Variants in RETREG1 observed in about 807,000 individuals in gnomAD.
The protein encoded by RETREG1 is family with sequence similarity 134 member B.
A neutral mutation model predicts 54.8 loss-of-function variants in RETREG1; 44 were observed. That is an observed-to-expected ratio of 0.80 (90% CI 0.63 to 1.03). The LOEUF is 1.03. RETREG1 is among the 50% of genes least tolerant of loss of function. RETREG1 has a pLI of 0.00. For synonymous variants in RETREG1, 217 were observed against 238.5 expected (o/e 0.91, Z 0.83); for missense variants, 554 against 605.1 (o/e 0.92, Z 0.89).
intron 3 of RETREG1, among the ~76,000 whole-genome samples, chr5:16,536,729 C>T (rs1741084711): frequency 6.6e-6 from 1 of 152,028 alleles, no homozygotes; most frequent in African/African-American, 2.4e-5. Context: ...CATTTTTTGC[C>T]AAAAGACTGA....
In RETREG1 at chr5:16,571,503, ATTT is replaced by A. The variant is rs34220516; in HGVS notation, c.427+490_427+492del. Among the ~76,000 whole-genome samples, 154 of 148,734 alleles carry A rather than the reference ATTT, an allele frequency of 1.0e-3. 2 individuals are homozygous for A. The highest frequency in any genetic ancestry group is 3.6e-3 in the African/African-American group (144 of 40,488). ...ATTACCCAAAAAGCACCTCAGGCCA[ATTT>A]TTTTTTTTTTTAAACCAAGCTCTTG... On this transcript the variant is annotated intron_variant, in intron 2 of 8. Transcript: ENST00000306320.
At chr5:16,494,860 G>A (rs535253775) in intron 3 of RETREG1, among the ~76,000 whole-genome samples, 26 of 152,204 alleles carry the variant, frequency 1.7e-4, no homozygotes, top group Non-Finnish European at 3.2e-4. Flanking sequence ...GAAGAGTTTG[G>A]AGAGCTCAAA....
rs181946980 is a variant in RETREG1, at chr5:16,530,056, C to T, written c.458+35707G>A. ...ATTTCCCCGCTCTTCACTCTTATGC[C>T]TGCTCCTCCCTTCCCAGATGCTTAT... On this transcript the variant is annotated intron_variant, in intron 3 of 8. Coordinates refer to ENST00000306320, the MANE Select transcript of RETREG1 (RefSeq NM_001034850.3). Among the ~76,000 whole-genome samples, 6 of 152,348 alleles carry T rather than the reference C, an allele frequency of 3.9e-5. No homozygotes were observed. In the East Asian group the frequency reaches 1.2e-3, roughly 29 times the overall value.
intron 3 of RETREG1, among the ~76,000 whole-genome samples, chr5:16,547,820 T>C (rs531229868): frequency 1.3e-5 from 2 of 152,334 alleles, no homozygotes; most frequent in South Asian, 2.1e-4. Context: ...AAAACTGTTC[T>C]GGTTTTGAAA....
At chr5:16,512,904 C>T (rs1740224402) in intron 3 of RETREG1, among the ~76,000 whole-genome samples, 1 of 151,954 alleles carries the variant, frequency 6.6e-6, no homozygotes, top group Non-Finnish European at 1.5e-5. Context: ...CAAAGTAGAC[C>T]TCTAGTGATT....
At chr5:16,589,840 G>A (rs1045390207) in intron 1 of RETREG1, among the ~76,000 whole-genome samples, 1 of 152,202 alleles carries the variant, frequency 6.6e-6, no homozygotes, top group African/African-American at 2.4e-5. Context: ...AGTCCACTCT[G>A]GCCCTGAAGC....
chr5:16,522,887 T>G (rs1011248865), intron 3 of RETREG1, among the ~76,000 whole-genome samples: 1 of 152,082 alleles, frequency 6.6e-6, no homozygotes, highest in East Asian at 1.9e-4. Context: ...AAGCCTGTAG[T>G]CCCAGCTATT....
At chr5:16,535,133 T>C (rs1741018276) in intron 3 of RETREG1, among the ~76,000 whole-genome samples, 1 of 152,228 alleles carries the variant, frequency 6.6e-6, no homozygotes, top group African/African-American at 2.4e-5. Flanking sequence ...AATGCTTATG[T>C]CACTTTTTTT....
At chr5:16,513,057 T>C (rs996578313) in intron 3 of RETREG1, among the ~76,000 whole-genome samples, 3 of 152,164 alleles carry the variant, frequency 2.0e-5, no homozygotes, top group South Asian at 2.1e-4. Flanking sequence ...TCTGAGTATA[T>C]TTGAGCACTT....
At chr5:16,508,908 C>A (rs890408307) in intron 3 of RETREG1, 16 of 1,238,640 alleles carry the variant, frequency 1.3e-5, no homozygotes, top group Middle Eastern at 3.3e-4. Flanking sequence ...CTGTGACAGG[C>A]GGCTGGAAGT....
intron 3 of RETREG1, among the ~76,000 whole-genome samples, chr5:16,551,986 CT>C (rs1741555782): frequency 6.6e-6 from 1 of 152,182 alleles, no homozygotes; most frequent in Non-Finnish European, 1.5e-5. Flanking sequence ...CTAAAAGAAC[CT>C]TTGTGATGAC....
chr5:16,578,298 A>G (rs1742391191), intron 1 of RETREG1, among the ~76,000 whole-genome samples: 1 of 151,874 alleles, frequency 6.6e-6, no homozygotes, highest in Non-Finnish European at 1.5e-5. Context: ...TGAAACAGTC[A>G]GACTCTCTTG....
rs1264236878 is a variant in RETREG1 at position 16,593,153 on chromosome 5, AC to A, written c.321-21052del. 6.6e-6 allele frequency among the ~76,000 whole-genome samples: 1 copy of A among 152,216 alleles called. No individual in the cohort carries two copies. The highest frequency in any genetic ancestry group is 2.4e-5 in the African/African-American group (1 of 41,446). ...ACTCACCATCCCATGCCCAGTGGTC[AC>A]ACTCAGCAAGGAAAACTCCACCCAG... On this transcript the variant is annotated intron_variant, in intron 1 of 8. Transcript: ENST00000306320. The surrounding 1 kb of genome is among the most constrained non-coding windows in gnomAD (Gnocchi z 4.9).
At chr5:16,499,921 C>G (rs1010711091) in intron 3 of RETREG1, among the ~76,000 whole-genome samples, 11 of 152,330 alleles carry the variant, frequency 7.2e-5, no homozygotes, top group African/African-American at 2.4e-4. Context: ...CCCTGCACCC[C>G]ACTGACACAA....
chr5:16,512,189 T>A (rs901084411), intron 3 of RETREG1, among the ~76,000 whole-genome samples: 6 of 152,172 alleles, frequency 3.9e-5, no homozygotes, highest in Non-Finnish European at 7.3e-5. Context: ...AGAATTCAGA[T>A]GTGGGAGAGA....
chr5:16,599,275 A>G (rs968704766), intron 1 of RETREG1, among the ~76,000 whole-genome samples: 2 of 152,236 alleles, frequency 1.3e-5, no homozygotes, highest in South Asian at 4.1e-4. Flanking sequence ...TGCCATTCTC[A>G]TGCTTTAGTG....
rs766777754 is a variant in RETREG1, at chr5:16,481,088, A to G, written c.591T>C (p.Cys197=). 3 of 1,609,922 alleles carry G rather than the reference A, an allele frequency of 1.9e-6. No homozygotes were observed. The highest frequency in any genetic ancestry group is 2.5e-6 in the Non-Finnish European group (3 of 1,176,790). The change falls in exon 5 of 9, where the codon TGT becomes TGC. Residue 197 remains cysteine, a synonymous_variant. Transcript: ENST00000306320. The part of the protein sequence containing the change: ...LFKQQSPGKF[C]LLVCSVCTFF... ...ATGTGCACACACTACAGACCAGGAG[A>G]CAAAACTGGAAATAATAGAAATAAC... is the stretch of plus-strand genomic sequence containing the variant.
chr5:16,543,842 A>C (rs1741313657), intron 3 of RETREG1, among the ~76,000 whole-genome samples: 1 of 151,988 alleles, frequency 6.6e-6, no homozygotes, highest in Non-Finnish European at 1.5e-5. Context: ...GCATAGTGGT[A>C]TCTCATTGTG....
chr5:16,605,723 GCA>G (rs1424711265), intron 1 of RETREG1, among the ~76,000 whole-genome samples: 6 of 152,306 alleles, frequency 3.9e-5, no homozygotes, highest in African/African-American at 1.4e-4. Context: ...CAAGGCACTG[GCA>G]GGTTTGGCAT....
Sources: gnomAD v4.1 joint callset for allele counts (sites outside exome capture counted in the v4.1 genomes callset) on GRCh38, gnomAD v4.1.1 for gene constraint, Gnocchi (gnomAD v3.1) non-coding constraint, MANE v1.5 for transcripts, NCBI Gene and HGNC (gene_info 2026-07-23, HGNC 2026-07-21) for gene names.